The following KCNIP4 variants were observed in gnomAD, a reference collection of about 807,000 sequenced individuals.
KCNIP4 encodes Kv channel-interacting protein 4.
A neutral mutation model predicts 34.0 loss-of-function variants in KCNIP4; 12 were observed. The observed-to-expected ratio is 0.35, with a 90% CI of 0.23 to 0.57. The LOEUF (loss-of-function observed/expected upper bound fraction) is 0.57. Ranked by LOEUF, KCNIP4 falls within the 20% of genes least tolerant of loss-of-function variation. The pLI is 0.83. For missense variants in KCNIP4, 238 were observed against 311.7 expected (o/e 0.76, Z 1.78); for synonymous variants, 124 against 102.2 (o/e 1.21, Z -1.29).
chr4:20,738,889 C>T (rs1411403246), intron 5 of KCNIP4, among the ~76,000 whole-genome samples: 2 of 152,132 alleles, frequency 1.3e-5, no homozygotes, highest in Non-Finnish European at 2.9e-5. Context: ...CACTTCCTGC[C>T]AATATTGTGC....
chr4:21,314,631 C>T (rs2109282968), intron 1 of KCNIP4, among the ~76,000 whole-genome samples: 1 of 152,214 alleles, frequency 6.6e-6, no homozygotes, highest in Admixed American at 6.5e-5. Context: ...GGACATTTGG[C>T]CACTGAATGC....
chr4:21,568,954 G>A (rs887507463), intron 1 of KCNIP4, among the ~76,000 whole-genome samples: 4 of 151,942 alleles, frequency 2.6e-5, no homozygotes, highest in African/African-American at 9.7e-5. Context: ...CTTCTTCATG[G>A]CAAGGAATGT....
intron 5 of KCNIP4, among the ~76,000 whole-genome samples, chr4:20,742,480 C>T (rs1481199557): frequency 6.6e-6 from 1 of 152,150 alleles, no homozygotes; most frequent in East Asian, 1.9e-4. Context: ...ATGATTATCT[C>T]AACAGACACA....
At chr4:21,275,779 G>A (rs1025835894) in intron 1 of KCNIP4, among the ~76,000 whole-genome samples, 3 of 152,114 alleles carry the variant, frequency 2.0e-5, no homozygotes, top group Admixed American at 6.6e-5. Context: ...TTGTATGAAC[G>A]TTGTAGAATT....
At chr4:20,827,376 C>T (rs1176699067) in intron 3 of KCNIP4, among the ~76,000 whole-genome samples, 1 of 152,134 alleles carries the variant, frequency 6.6e-6, no homozygotes, top group African/African-American at 2.4e-5. Context: ...CCTCTTGTTG[C>T]CTCTTCACAT....
At chr4:21,473,325 G>A (rs1272806564) in intron 1 of KCNIP4, among the ~76,000 whole-genome samples, 2 of 152,062 alleles carry the variant, frequency 1.3e-5, no homozygotes, top group South Asian at 4.1e-4. Context: ...ATTCTCTATC[G>A]GGAACTGGGG....
intron 3 of KCNIP4, among the ~76,000 whole-genome samples, chr4:20,790,477 T>C (rs1027958082): frequency 1.3e-5 from 2 of 152,198 alleles, no homozygotes; most frequent in African/African-American, 4.8e-5. Context: ...ACTCTTGTAA[T>C]AACACAGCTT....
intron 3 of KCNIP4, among the ~76,000 whole-genome samples, chr4:20,798,046 A>G (rs1401110529): frequency 6.6e-6 from 1 of 152,186 alleles, no homozygotes. Flanking sequence ...ATCCTACCCA[A>G]ATAGTTTTTA....
At chr4:21,396,222 T>G (rs1722983481) in intron 1 of KCNIP4, among the ~76,000 whole-genome samples, 1 of 151,966 alleles carries the variant, frequency 6.6e-6, no homozygotes, top group Non-Finnish European at 1.5e-5. Context: ...TCTTCCCCAA[T>G]ATGACTGAGG....
intron 1 of KCNIP4, among the ~76,000 whole-genome samples, chr4:20,985,467 T>C (rs1736485053): frequency 6.6e-6 from 1 of 152,196 alleles, no homozygotes; most frequent in South Asian, 2.1e-4. Context: ...CTAATCATTT[T>C]AACTTTGTAG....
chr4:21,512,223 AGTCTCCTTT>A (rs1734400788), intron 1 of KCNIP4, among the ~76,000 whole-genome samples: 1 of 151,064 alleles, frequency 6.6e-6, no homozygotes, highest in Admixed American at 6.6e-5. Context: ...GAAGGAAGGA[AGTCTCCTTT>A]GTATCAGAAT....
At chr4:21,941,311 G>C (rs927293029) in intron 1 of KCNIP4, among the ~76,000 whole-genome samples, 1 of 152,076 alleles carries the variant, frequency 6.6e-6, no homozygotes, top group African/African-American at 2.4e-5. Context: ...TGGGGGAATC[G>C]TCATTAGACT....
intron 1 of KCNIP4, among the ~76,000 whole-genome samples, chr4:21,619,105 G>A (rs931148571): frequency 6.6e-6 from 1 of 152,118 alleles, no homozygotes; most frequent in Non-Finnish European, 1.5e-5. Context: ...TGTTTGTGGA[G>A]TGATTGGATA....
chr4:21,053,026 TAC>T (rs995181944), intron 1 of KCNIP4, among the ~76,000 whole-genome samples: 3 of 143,034 alleles, frequency 2.1e-5, no homozygotes, highest in Non-Finnish European at 3.0e-5. Context: ...CACACACACA[TAC>T]ACACACACAC....
chr4:20,878,029 A>G (rs1724255353), intron 2 of KCNIP4, among the ~76,000 whole-genome samples: 1 of 151,920 alleles, frequency 6.6e-6, no homozygotes, highest in African/African-American at 2.4e-5. Flanking sequence ...CTCTAGACCT[A>G]TAAGAGCTCC....
At chr4:21,087,791 C>G (rs1228511963) in intron 1 of KCNIP4, among the ~76,000 whole-genome samples, 1 of 152,170 alleles carries the variant, frequency 6.6e-6, no homozygotes, top group Non-Finnish European at 1.5e-5. Context: ...ATCCTCCCTT[C>G]AAATGTCCAC....
At chr4:20,971,477 T>C (rs1337801104) in intron 1 of KCNIP4, among the ~76,000 whole-genome samples, 1 of 143,632 alleles carries the variant, frequency 7.0e-6, no homozygotes, top group Non-Finnish European at 1.6e-5. Context: ...AAGCAAACCA[T>C]ACTTTTTTTT....
intron 1 of KCNIP4, among the ~76,000 whole-genome samples, chr4:21,454,585 T>C (rs901695498): frequency 1.3e-5 from 2 of 152,062 alleles, no homozygotes; most frequent in African/African-American, 4.8e-5. Context: ...ATAGGGTAAG[T>C]AGATAATCCT....
intron 1 of KCNIP4, among the ~76,000 whole-genome samples, chr4:21,735,070 T>C (rs1468948609): frequency 1.3e-5 from 2 of 152,108 alleles, no homozygotes; most frequent in Non-Finnish European, 2.9e-5. Flanking sequence ...TGTTAAGTCC[T>C]GAGAAATTCA....
Sources: gnomAD v4.1 joint callset for allele counts (sites outside exome capture counted in the v4.1 genomes callset) on GRCh38, gnomAD v4.1.1 for gene constraint, MANE v1.5 for transcripts, NCBI Gene and HGNC (gene_info 2026-07-23, HGNC 2026-07-21) for gene names.